The following METAP1D variants were observed in gnomAD, a reference collection of about 807,000 sequenced individuals.
The protein encoded by METAP1D is methionyl aminopeptidase type 1D, mitochondrial.
METAP1D carries 31 observed loss-of-function variants against 40.5 expected under a neutral mutation model. The observed-to-expected ratio is 0.77, with a 90% CI of 0.58 to 1.03. The LOEUF (loss-of-function observed/expected upper bound fraction) is 1.03, where lower values mean the gene tolerates loss of function less well. Among genes scored for constraint, METAP1D ranks in the 50% least tolerant of loss-of-function variants. The probability of loss-of-function intolerance (pLI) is 0.00; values close to 1 mark genes in which losing one functional copy is unlikely to be tolerated. For missense variants in METAP1D, 411 were observed against 420.7 expected (o/e 0.98, Z 0.20); for synonymous variants, 151 against 146.4 (o/e 1.03, Z -0.22).
chr2:172,051,336 G>T (rs1470366760), intron 1 of METAP1D, among the ~76,000 whole-genome samples: 3 of 152,144 alleles, frequency 2.0e-5, no homozygotes, highest in Admixed American at 6.6e-5. Flanking sequence ...TGTTTCTAGA[G>T]TAGGTTGAGG....
chr2:172,005,526 A>G (rs892539520), intron 1 of METAP1D, among the ~76,000 whole-genome samples: 1 of 116,504 alleles, frequency 8.6e-6, no homozygotes, highest in Non-Finnish European at 2.0e-5. Context: ...TATTTTATAT[A>G]TATATATATA....
intron 1 of METAP1D, among the ~76,000 whole-genome samples, chr2:172,016,225 G>A (rs1574092638): frequency 8.4e-6 from 1 of 118,934 alleles, no homozygotes; most frequent in East Asian, 2.4e-4. Flanking sequence ...GCAGTGAGCT[G>A]AGATCATGCC....
At chr2:172,037,043 T>G (rs1266113293) in intron 1 of METAP1D, among the ~76,000 whole-genome samples, 1 of 152,140 alleles carries the variant, frequency 6.6e-6, no homozygotes, top group Admixed American at 6.5e-5. Context: ...GCGGATCACT[T>G]GAGGTCGGGA....
chr2:172,045,303 C>G (rs1322954722), intron 1 of METAP1D, among the ~76,000 whole-genome samples: 1 of 133,650 alleles, frequency 7.5e-6, no homozygotes, highest in Non-Finnish European at 1.7e-5. Context: ...AAATGCTCAT[C>G]ATTGTTTAAA....
intron 5 of METAP1D, among the ~76,000 whole-genome samples, chr2:172,067,412 A>G (rs1173370361): frequency 2.0e-5 from 3 of 152,206 alleles, no homozygotes; most frequent in Admixed American, 6.5e-5. Context: ...GAGATAGCCA[A>G]CGATTCTTTC....
chr2:172,028,554 G>A lies in METAP1D; in HGVS notation c.40+28545G>A, dbSNP rs1473413959. Reference sequence around the variant, plus strand: ...TCTGTATGTGTGTCTGTGTGTGTGTGTGTGTGTGTGTGTGTGTGTGTGTGT... The same window carrying A: ...TCTGTATGTGTGTCTGTGTGTGTGTATGTGTGTGTGTGTGTGTGTGTGTGT... On this transcript the variant is annotated intron_variant, in intron 1 of 9. Coordinates refer to ENST00000315796, the MANE Select transcript of METAP1D (RefSeq NM_199227.3). Among the ~76,000 whole-genome samples, 8 of 47,302 alleles carry A rather than the reference G, an allele frequency of 1.7e-4. 1 individual carries two copies. In the South Asian group the frequency reaches 7.8e-3, roughly 46 times the overall value. 31.0% of individuals were successfully genotyped at this position (47,302 alleles called of 152,430 possible). A position where few individuals can be genotyped will look rare whatever the true frequency, so the allele number is the denominator to read the frequency against.
chr2:172,026,214 G>T (rs1158461768), intron 1 of METAP1D, among the ~76,000 whole-genome samples: 1 of 152,004 alleles, frequency 6.6e-6, no homozygotes, highest in Admixed American at 6.6e-5. Flanking sequence ...CAGGTCATTT[G>T]TTCTATAGAT....
chr2:172,013,692 T>C (rs1305588188), intron 1 of METAP1D, among the ~76,000 whole-genome samples: 3 of 151,846 alleles, frequency 2.0e-5, no homozygotes, highest in East Asian at 3.9e-4. Flanking sequence ...TGTGAGAGAA[T>C]AGAGAGAGCA....
At chr2:172,059,900 A>T (rs1243740495) in intron 1 of METAP1D, among the ~76,000 whole-genome samples, 1 of 152,054 alleles carries the variant, frequency 6.6e-6, no homozygotes, top group Non-Finnish European at 1.5e-5. Context: ...AATACAAAAA[A>T]ATTAGCCGGG....
At chr2:172,031,353 G>A (rs1489164406) in intron 1 of METAP1D, among the ~76,000 whole-genome samples, 4 of 152,084 alleles carry the variant, frequency 2.6e-5, no homozygotes, top group Non-Finnish European at 4.4e-5. Flanking sequence ...GATCTTGGTG[G>A]GAGAGAAGGG....
In METAP1D at chr2:172,080,415, C is replaced by T. The variant is rs777972096; in HGVS notation, c.*9C>T. 1.9e-6 allele frequency: 3 copies of T among 1,613,824 alleles called. No homozygotes were observed. The highest frequency in any genetic ancestry group is 1.1e-5 in the South Asian group (1 of 91,076). The stretch of plus-strand genomic sequence containing the variant: ...TACCCCATGAGGCCTGAGGAGCCGC[C>T]CGAAGGTCGCGGTGACCTGGTGCCT... On this transcript the variant is annotated 3_prime_UTR_variant, in exon 10 of 10. Coordinates refer to ENST00000315796, the MANE Select transcript of METAP1D (RefSeq NM_199227.3).
At chr2:172,074,282 A>C (rs1332596365) in intron 6 of METAP1D, among the ~76,000 whole-genome samples, 1 of 152,198 alleles carries the variant, frequency 6.6e-6, no homozygotes. Context: ...TTTAATGTTT[A>C]ATTCATAACT....
intron 1 of METAP1D, among the ~76,000 whole-genome samples, chr2:172,020,079 C>G (rs77768732): frequency 6.6e-6 from 1 of 152,120 alleles, no homozygotes; most frequent in South Asian, 2.1e-4. Context: ...CGCAACCTCC[C>G]GGGTTCAAGC....
chr2:172,065,668 A>G lies in METAP1D; in HGVS notation c.413A>G (p.Tyr138Cys), dbSNP rs900546688. ...CGGGAAATCATCAGTCATAATGCCT[A>G]TCCCTCACCTCTAGGCTATGGAGGT... Reference protein sequence around the residue: ...VHREIISHNAYPSPLGYGGFP... With the variant: ...VHREIISHNACPSPLGYGGFP... The change falls in exon 4 of 10, where the codon TAT (tyrosine) becomes TGT (cysteine). Residue 138 changes from tyrosine (Y) to cysteine (C), a missense_variant. By Grantham distance (194) the Tyr-to-Cys change is radical. Transcript: ENST00000315796. 22 of 1,613,926 alleles carry G rather than the reference A, an allele frequency of 1.4e-5. No individual in the cohort carries two copies. The highest frequency in any genetic ancestry group is 1.2e-4 in the Admixed American group (7 of 60,010).
At chr2:172,001,312 G>T (rs1688455755) in intron 1 of METAP1D, among the ~76,000 whole-genome samples, 1 of 152,038 alleles carries the variant, frequency 6.6e-6, no homozygotes, top group African/African-American at 2.4e-5. Flanking sequence ...GGCCGAGGCA[G>T]GTGGCTCACT....
At chr2:172,041,726 T>TTATATATATATATATATTTA (rs1689532473) in intron 1 of METAP1D, among the ~76,000 whole-genome samples, 1 of 37,560 alleles carries the variant, frequency 2.7e-5, no homozygotes, top group South Asian at 9.3e-4. Context: ...TCTAATTATT[T>TTATATATATATATATATTTA]TATATATATA....
At chr2:172,056,968 T>C (rs1690015815) in intron 1 of METAP1D, among the ~76,000 whole-genome samples, 1 of 150,016 alleles carries the variant, frequency 6.7e-6, no homozygotes, top group African/African-American at 2.5e-5. Context: ...TTTTTCATGA[T>C]AAAAAAAACT....
At chr2:172,018,280 G>A (rs1219688107) in intron 1 of METAP1D, among the ~76,000 whole-genome samples, 2 of 152,120 alleles carry the variant, frequency 1.3e-5, no homozygotes, top group Admixed American at 6.5e-5. Flanking sequence ...TGCCTCTCTT[G>A]TAGATTAGGG....
intron 1 of METAP1D, among the ~76,000 whole-genome samples, chr2:172,041,726 T>TATATATATATATA (rs1553493427): frequency 2.4e-4 from 9 of 37,560 alleles, no homozygotes; most frequent in Admixed American, 7.7e-4. Flanking sequence ...TCTAATTATT[T>TATATATATATATA]TATATATATA....
Sources: allele counts gnomAD v4.1 joint callset (sites outside exome capture counted in the v4.1 genomes callset), GRCh38; gene constraint gnomAD v4.1.1; transcripts MANE v1.5; gene names NCBI Gene and HGNC (gene_info 2026-07-23, HGNC 2026-07-21).